MAPK8IP3: variants seen among roughly 807,000 people sequenced by gnomAD.
MAPK8IP3 encodes C-Jun-amino-terminal kinase-interacting protein 3.
In MAPK8IP3, 49 loss-of-function variants were observed where a neutral mutation model predicts 157.8. The observed-to-expected ratio is 0.31, with a 90% CI of 0.25 to 0.39. The LOEUF is 0.39. Among genes scored for constraint, MAPK8IP3 ranks in the 10% least tolerant of loss-of-function variants. The pLI is 1.00. For synonymous variants in MAPK8IP3, 897 were observed against 777.7 expected (o/e 1.15, Z -2.55); for missense variants, 1,478 against 1,889.4 (o/e 0.78, Z 4.04).
At chr16:1,749,647 C>G (rs947383604) in intron 8 of MAPK8IP3, among the ~76,000 whole-genome samples, 1 of 152,254 alleles carries the variant, frequency 6.6e-6, no homozygotes, top group African/African-American at 2.4e-5. Flanking sequence ...TCAGGCATGA[C>G]AGGCGGGCAG....
At chr16:1,714,767 C>T (rs1334482877) in intron 1 of MAPK8IP3, among the ~76,000 whole-genome samples, 1 of 152,080 alleles carries the variant, frequency 6.6e-6, no homozygotes, top group African/African-American at 2.4e-5. Flanking sequence ...GAGCAGGGAC[C>T]CTTTGGCTAC....
rs2040647086 is a variant in MAPK8IP3, at chr16:1,741,079, G to A, written c.603-2253G>A. On this transcript the variant is annotated intron_variant, in intron 4 of 31. Coordinates refer to ENST00000610761, the MANE Select transcript of MAPK8IP3 (RefSeq NM_001318852.2). This position sits in a 1 kb window ranked among gnomAD's most constrained non-coding sequence, Gnocchi z 6.9. ...TCGGGGGGCGACGGGCCAAGGAAGGGCCCCTCTCTGCATCAGTCGGACCTG... is the reference window on the plus strand; with the variant it reads ...TCGGGGGGCGACGGGCCAAGGAAGGACCCCTCTCTGCATCAGTCGGACCTG... Among the ~76,000 whole-genome samples the A allele has an allele frequency of 6.6e-6, 1 of 151,956 alleles. No homozygotes were observed. The highest frequency in any genetic ancestry group is 1.5e-5 in the Non-Finnish European group (1 of 67,944).
At position 1,736,962 on chromosome 16, in the gene MAPK8IP3, G is replaced by A. The variant is rs149937002; in HGVS notation, c.603-6370G>A. On this transcript the variant is annotated intron_variant, in intron 4 of 31. Transcript: ENST00000610761. ...TGACCGTCCATGTGAGCGTGTGACC[G>A]TCCGTGTGACCGTCCGTGTGAGCAT... Among the ~76,000 whole-genome samples the A allele has an allele frequency of 1.3e-3, 82 of 65,432 alleles. 7 individuals are homozygous for A. Among genetic ancestry groups the A allele is most frequent in the African/African-American group, 4.5e-3 (72 of 16,144 alleles). The allele number at this position is 65,432 out of a possible 152,430, so 42.9% of individuals were successfully genotyped here. A position where few individuals can be genotyped will look rare whatever the true frequency, so the allele number is the denominator to read the frequency against.
chr16:1,714,883 C>T (rs1383339347), intron 1 of MAPK8IP3, among the ~76,000 whole-genome samples: 1 of 152,026 alleles, frequency 6.6e-6, no homozygotes, highest in African/African-American at 2.4e-5. Context: ...AATGTAAACT[C>T]CTAAGAATGC....
rs956679302 is a variant in MAPK8IP3, at chr16:1,741,993, C to A, written c.603-1339C>A. On this transcript the variant is annotated intron_variant, in intron 4 of 31. Transcript: ENST00000610761. This position sits in a 1 kb window ranked among gnomAD's most constrained non-coding sequence, Gnocchi z 6.9. ...TGCGTTCCCCTGTCGCCGTCTGCAT[C>A]CTCCAGGCATGGCCAGAGCAGGTTC... Among the ~76,000 whole-genome samples, 5 of 152,286 alleles carry A rather than the reference C, an allele frequency of 3.3e-5. No individual in the cohort carries two copies. The East Asian group carries it at 9.7e-4, about 29-fold the overall frequency.
chr16:1,768,734 C>G lies in MAPK8IP3; in HGVS notation c.3924C>G (p.Gly1308=). The part of the protein sequence containing the change: ...GDGEDDETEE[G]AGDMSQVKPV... ...GAGAGGACGACGAGACGGAGGAGGG[C>G]GCAGGGGACATGAGCCAGGTGAAGC... Residue 1308 remains glycine, a synonymous_variant, in exon 32 of 32, where the codon GGC becomes GGG. Coordinates refer to ENST00000610761, the MANE Select transcript of MAPK8IP3 (RefSeq NM_001318852.2). 6.2e-7 allele frequency: 1 copy of G among 1,612,716 alleles called. No homozygotes were observed. Among genetic ancestry groups the G allele is most frequent in the South Asian group, 1.1e-5 (1 of 91,080 alleles).
rs555243195 is a variant in MAPK8IP3 at position 1,738,075 on chromosome 16, TGA to T, written c.603-5253_603-5252del. ...CCGTGTGAGTGTGTGACCATCCGTG[TGA>T]GAGTGTGACCATCCATGTGAGCATC... On this transcript the variant is annotated intron_variant, in intron 4 of 31. Coordinates refer to ENST00000610761, the MANE Select transcript of MAPK8IP3 (RefSeq NM_001318852.2). 1.2e-3 allele frequency among the ~76,000 whole-genome samples: 92 copies of T among 77,170 alleles called. 3 individuals carry two copies. The highest frequency in any genetic ancestry group is 3.4e-3 in the South Asian group (4 of 1,188). The allele number at this position is 77,170 out of a possible 152,430, so 50.6% of individuals were successfully genotyped here.
chr16:1,758,422 T>C (rs557491037), intron 9 of MAPK8IP3, among the ~76,000 whole-genome samples: 601 of 152,216 alleles, frequency 3.9e-3, no homozygotes, highest in Non-Finnish European at 5.4e-3. Flanking sequence ...TGCGGAGCCC[T>C]AAGCCACGCA....
At chr16:1,761,333 C>T (rs375373436) in intron 13 of MAPK8IP3, 28 bp downstream of exon 13, 39 of 1,595,016 alleles carry the variant, frequency 2.4e-5, no homozygotes, top group Middle Eastern at 1.7e-4. Context: ...TCTTCACATG[C>T]GGGGCGTCCA....
chr16:1,708,787 G>A (rs1020896139), intron 1 of MAPK8IP3, among the ~76,000 whole-genome samples: 1 of 152,136 alleles, frequency 6.6e-6, no homozygotes, highest in Non-Finnish European at 1.5e-5. Context: ...ATGATTAAAC[G>A]CTAACGGGGC....
chr16:1,722,361 A>G (rs1341457479), intron 1 of MAPK8IP3, among the ~76,000 whole-genome samples: 2 of 152,178 alleles, frequency 1.3e-5, no homozygotes, highest in Admixed American at 1.3e-4. Flanking sequence ...CCTCTTGGGC[A>G]GAGCCCCAGT....
At chr16:1,728,499 C>T (rs1417482197) in intron 2 of MAPK8IP3, among the ~76,000 whole-genome samples, 1 of 152,232 alleles carries the variant, frequency 6.6e-6, no homozygotes, top group South Asian at 2.1e-4. Flanking sequence ...CAGAGAGCGC[C>T]TGTGGGTTTC....
At chr16:1,740,324 G>A (rs909419692) in intron 4 of MAPK8IP3, among the ~76,000 whole-genome samples, 5 of 148,678 alleles carry the variant, frequency 3.4e-5, no homozygotes, top group Non-Finnish European at 5.9e-5. Flanking sequence ...ATCCGTAACC[G>A]TGTAGGCGTC....
intron 1 of MAPK8IP3, among the ~76,000 whole-genome samples, chr16:1,711,049 G>A (rs549850004): frequency 2.2e-4 from 34 of 152,374 alleles, no homozygotes; most frequent in African/African-American, 7.7e-4. Context: ...CCCGGGCCAC[G>A]CTGGCAGCAG....
At chr16:1,737,191 TGTGAGC>T (rs200529799) in intron 4 of MAPK8IP3, among the ~76,000 whole-genome samples, 1 of 87,536 alleles carries the variant, frequency 1.1e-5, no homozygotes, top group Non-Finnish European at 2.3e-5. Flanking sequence ...TGACCGTCCG[TGTGAGC>T]GTGTGACCAT....
intron 4 of MAPK8IP3, among the ~76,000 whole-genome samples, chr16:1,735,825 G>A (rs566462984): frequency 1.3e-4 from 18 of 142,984 alleles, no homozygotes; most frequent in East Asian, 1.1e-3. Flanking sequence ...CCGTGTGACC[G>A]TCCGTGTGAG....
At chr16:1,722,989 C>G (rs1183152768) in intron 1 of MAPK8IP3, among the ~76,000 whole-genome samples, 1 of 151,802 alleles carries the variant, frequency 6.6e-6, no homozygotes, top group African/African-American at 2.4e-5. Flanking sequence ...GCGTGAGCCA[C>G]CGTGCCTGGC....
intron 9 of MAPK8IP3, 128 bp downstream of exon 9, chr16:1,758,287 GCTT>G: frequency 9.5e-7 from 1 of 1,049,734 alleles, no homozygotes; most frequent in Non-Finnish European, 1.4e-6. Context: ...CAGCGCCTCT[GCTT>G]CTGCTCGCAG....
chr16:1,766,672 G>T, intron 23 of MAPK8IP3, 24 bp downstream of exon 23: 1 of 1,612,486 alleles, frequency 6.2e-7, no homozygotes, highest in South Asian at 1.1e-5. Flanking sequence ...GGGGCAAGGT[G>T]GAGGGAGGGT....
Sources: allele counts gnomAD v4.1 joint callset (sites outside exome capture counted in the v4.1 genomes callset), GRCh38; gene constraint gnomAD v4.1.1; non-coding constraint Gnocchi (gnomAD v3.1); transcripts MANE v1.5; gene names NCBI Gene and HGNC (gene_info 2026-07-23, HGNC 2026-07-21).